Variants in MARCHF1 observed in about 807,000 individuals in gnomAD.
The protein encoded by MARCHF1 is E3 ubiquitin-protein ligase MARCHF1.
Under a neutral mutation model 54.2 loss-of-function variants are expected in MARCHF1, and 40 were observed. That is an observed-to-expected ratio of 0.74 (90% CI 0.57 to 0.96). The LOEUF (loss-of-function observed/expected upper bound fraction) is 0.96, where lower values mean the gene tolerates loss of function less well. Among genes scored for constraint, MARCHF1 ranks in the 40% least tolerant of loss-of-function variants. The probability of loss-of-function intolerance (pLI) is 0.00; values close to 1 mark genes in which losing one functional copy is unlikely to be tolerated. For synonymous variants in MARCHF1, 236 were observed against 236.3 expected, an observed-to-expected ratio of 1.00 and a Z score of 0.01; for missense variants, 586 against 656.5, an observed-to-expected ratio of 0.89 and a Z score of 1.17.
At chr4:163,819,566 A>G (rs1298377053) in intron 4 of MARCHF1, among the ~76,000 whole-genome samples, 1 of 152,116 alleles carries the variant, frequency 6.6e-6, no homozygotes, top group Non-Finnish European at 1.5e-5. Flanking sequence ...CAACCATGTG[A>G]AAACTTTTCA....
intron 1 of MARCHF1, among the ~76,000 whole-genome samples, chr4:164,330,975 T>C (rs1735420114): frequency 6.6e-6 from 1 of 152,204 alleles, no homozygotes; most frequent in African/African-American, 2.4e-5. Context: ...CATCCATTCC[T>C]GAATTAAAGC....
At chr4:163,968,602 T>C (rs1752488708) in intron 3 of MARCHF1, among the ~76,000 whole-genome samples, 1 of 152,184 alleles carries the variant, frequency 6.6e-6, no homozygotes, top group Non-Finnish European at 1.5e-5. Flanking sequence ...GCTCCTACTC[T>C]ATGCTGAGCA....
At chr4:164,063,607 C>G (rs1347056460) in intron 2 of MARCHF1, among the ~76,000 whole-genome samples, 2 of 152,222 alleles carry the variant, frequency 1.3e-5, no homozygotes, top group Non-Finnish European at 2.9e-5. Context: ...ATTATATCAT[C>G]TACCCCTATG....
chr4:164,094,428 G>A (rs958727417), intron 2 of MARCHF1, among the ~76,000 whole-genome samples: 2 of 152,198 alleles, frequency 1.3e-5, no homozygotes, highest in East Asian at 1.9e-4. Context: ...AAAAAGAGAC[G>A]CTAATCTCCA....
chr4:164,231,437 A>T (rs1732411292), intron 1 of MARCHF1, among the ~76,000 whole-genome samples: 2 of 152,164 alleles, frequency 1.3e-5, no homozygotes, highest in Admixed American at 1.3e-4. Flanking sequence ...CCCCTTGGAC[A>T]TATTTCTGCA....
At chr4:164,263,652 A>G (rs775772633) in intron 1 of MARCHF1, among the ~76,000 whole-genome samples, 7 of 151,980 alleles carry the variant, frequency 4.6e-5, no homozygotes, top group Non-Finnish European at 1.0e-4. Context: ...TTTACAAAAG[A>G]AAAACAATCA....
chr4:163,978,007 A>T (rs1752682225), intron 3 of MARCHF1, among the ~76,000 whole-genome samples: 1 of 152,208 alleles, frequency 6.6e-6, no homozygotes, highest in African/African-American at 2.4e-5. Context: ...TCAAAAGCCC[A>T]TGAAATGTTG....
At chr4:163,871,844 A>G (rs1462328861) in intron 3 of MARCHF1, among the ~76,000 whole-genome samples, 5 of 152,186 alleles carry the variant, frequency 3.3e-5, no homozygotes, top group Admixed American at 2.0e-4. Context: ...GTTAACGAGT[A>G]TTCCAAAATC....
chr4:164,060,620 C>A (rs1475033200), intron 2 of MARCHF1, among the ~76,000 whole-genome samples: 2 of 151,898 alleles, frequency 1.3e-5, no homozygotes, highest in South Asian at 2.1e-4. Flanking sequence ...AACAATTATC[C>A]AATTTTCCAA....
intron 4 of MARCHF1, among the ~76,000 whole-genome samples, chr4:163,773,510 A>C (rs527497067): frequency 4.0e-4 from 61 of 152,322 alleles, no homozygotes; most frequent in African/African-American, 1.4e-3. Flanking sequence ...CTATAAGGCA[A>C]ATGCTGTGGT....
At chr4:163,683,039 T>C (rs1006525224) in intron 5 of MARCHF1, among the ~76,000 whole-genome samples, 1 of 152,150 alleles carries the variant, frequency 6.6e-6, no homozygotes, top group African/African-American at 2.4e-5. Context: ...CAAATAGAAG[T>C]ATAATATCTT....
chr4:163,615,046 A>C (rs892510895), intron 5 of MARCHF1, among the ~76,000 whole-genome samples: 1 of 152,066 alleles, frequency 6.6e-6, no homozygotes, highest in Non-Finnish European at 1.5e-5. Flanking sequence ...TGGGATCTCT[A>C]TTTGGCTTCT....
Position 164,040,779 on chromosome 4 carries a change from A to G in MARCHF1, c.-247-52070T>C, listed in dbSNP as rs182095357. Among the ~76,000 whole-genome samples, 164 of 152,194 alleles carry G rather than the reference A, an allele frequency of 1.1e-3. 1 individual carries two copies. Among genetic ancestry groups the G allele is most frequent in the African/African-American group, 3.5e-3 (144 of 41,572 alleles). On this transcript the variant is annotated intron_variant, in intron 2 of 9. Transcript: ENST00000514618. ...CTTACTTTGTTTCTGTATTTAAAAG[A>G]GTATCTTTATTTTGTGCTTGGAGAA... is the stretch of plus-strand genomic sequence containing the variant.
rs149186163 is a variant in MARCHF1 at position 164,117,662 on chromosome 4, G to A, written c.-322-6000C>T. 9.3e-3 allele frequency among the ~76,000 whole-genome samples: 1,408 copies of A among 152,134 alleles called. 33 individuals are homozygous for A. The highest frequency in any genetic ancestry group is 0.031 in the African/African-American group (1,281 of 41,416). On this transcript the variant is annotated intron_variant, in intron 1 of 9. Transcript: ENST00000514618. ...CATCTGTAATCCCAGCACTTTGGGA[G>A]GCCAAGGCAGGCAGATCACTTGAGG...
At chr4:163,715,806 G>T (rs1206770503) in intron 4 of MARCHF1, among the ~76,000 whole-genome samples, 2 of 152,026 alleles carry the variant, frequency 1.3e-5, no homozygotes, top group Non-Finnish European at 2.9e-5. Context: ...AAACATAAAG[G>T]CATTAATGCC....
At chr4:163,898,149 A>T (rs748281885) in intron 3 of MARCHF1, among the ~76,000 whole-genome samples, 5 of 151,984 alleles carry the variant, frequency 3.3e-5, no homozygotes, top group Non-Finnish European at 7.4e-5. Context: ...TTTATGGTAA[A>T]GACACCAAAA....
chr4:164,041,909 G>C (rs1015238367), intron 2 of MARCHF1, among the ~76,000 whole-genome samples: 4 of 152,030 alleles, frequency 2.6e-5, no homozygotes, highest in African/African-American at 9.7e-5. Flanking sequence ...ATTACCATGA[G>C]TATTTTAGGG....
At chr4:164,283,025 C>A (rs1410599691) in intron 1 of MARCHF1, among the ~76,000 whole-genome samples, 2 of 151,110 alleles carry the variant, frequency 1.3e-5, no homozygotes, top group African/African-American at 4.9e-5. Flanking sequence ...CAAGACTTCA[C>A]CTATGGTGAA....
At chr4:163,548,177 G>A (rs114164267) in intron 8 of MARCHF1, among the ~76,000 whole-genome samples, 2,425 of 152,112 alleles carry the variant, frequency 0.016, 81 homozygotes, top group African/African-American at 0.056. Flanking sequence ...TTATTATTTG[G>A]CAATAGCATT....
Sources: gnomAD v4.1 joint callset for allele counts (sites outside exome capture counted in the v4.1 genomes callset) on GRCh38, gnomAD v4.1.1 for gene constraint, MANE v1.5 for transcripts, NCBI Gene and HGNC (gene_info 2026-07-23, HGNC 2026-07-21) for gene names.